The following CAMK1G variants were observed in gnomAD, a reference collection of about 807,000 sequenced individuals.
CAMK1G encodes the protein calcium/calmodulin dependent protein kinase IG, also known as calcium/calmodulin-dependent protein kinase type 1G.
In CAMK1G, 27 loss-of-function variants were observed where a neutral mutation model predicts 54.8. The observed-to-expected ratio is 0.49, with a 90% confidence interval of 0.36 to 0.68. CAMK1G has a LOEUF of 0.68. Ranked by LOEUF, CAMK1G falls within the 30% of genes least tolerant of loss-of-function variation. CAMK1G has a pLI of 0.00. For missense variants in CAMK1G, 512 were observed against 591.0 expected (o/e 0.87, Z 1.39); for synonymous variants, 238 against 224.9 (o/e 1.06, Z -0.52).
At chr1:209,594,919 T>G (rs1571775594) in intron 1 of CAMK1G, 36 bp from the exon 2 acceptor site, 3 of 1,369,222 alleles carry the variant, frequency 2.2e-6, no homozygotes, top group East Asian at 4.8e-5. Flanking sequence ...TGACCAGACC[T>G]TTTTTCTCCT....
At chr1:209,594,432 C>T (rs1046049919) in intron 1 of CAMK1G, among the ~76,000 whole-genome samples, 18 of 152,180 alleles carry the variant, frequency 1.2e-4, no homozygotes, top group African/African-American at 3.1e-4. Context: ...TTTAGATTTT[C>T]GTGAATAACT....
intron 1 of CAMK1G, among the ~76,000 whole-genome samples, chr1:209,587,110 A>C (rs1571769412): frequency 1.3e-5 from 2 of 151,890 alleles, no homozygotes; most frequent in African/African-American, 4.8e-5. Flanking sequence ...TGGTCCTTGG[A>C]GTTTCTCTCC....
At chr1:209,610,886 T>C (rs966732041) in intron 9 of CAMK1G, among the ~76,000 whole-genome samples, 2 of 152,076 alleles carry the variant, frequency 1.3e-5, no homozygotes, top group African/African-American at 4.8e-5. Context: ...GAGGAACACT[T>C]AGAGACCAGT....
In CAMK1G at chr1:209,609,617, A is replaced by G. The variant is rs140820391; in HGVS notation, c.749-234A>G. Among the ~76,000 whole-genome samples, 380 of 152,258 alleles carry G rather than the reference A, an allele frequency of 2.5e-3. 3 individuals are homozygous for G. The highest frequency in any genetic ancestry group is 8.0e-3 in the African/African-American group (333 of 41,540). On this transcript the variant is annotated intron_variant, in intron 8 of 12. Transcript: ENST00000361322. Reference sequence around the variant, plus strand: ...GCACATGGGGGCCTTGTGACTAGTGACGCTTCTGCAGTGCTGTGTGGGTGA... The same window carrying G: ...GCACATGGGGGCCTTGTGACTAGTGGCGCTTCTGCAGTGCTGTGTGGGTGA...
chr1:209,596,265 A>G (rs1321251404), intron 2 of CAMK1G, among the ~76,000 whole-genome samples: 1 of 152,210 alleles, frequency 6.6e-6, no homozygotes, highest in Non-Finnish European at 1.5e-5. Flanking sequence ...CTTTACCAAG[A>G]TGGGAGTGAC....
chr1:209,592,178 C>A (rs1397386414), intron 1 of CAMK1G, among the ~76,000 whole-genome samples: 1 of 151,688 alleles, frequency 6.6e-6, no homozygotes, highest in African/African-American at 2.4e-5. Context: ...AAGACCCTGT[C>A]TTTGGAAAAA....
rs572661255 is a variant in CAMK1G, at chr1:209,595,650, C to A, written c.92+575C>A. On this transcript the variant is annotated intron_variant, in intron 2 of 12. Coordinates refer to ENST00000361322, the MANE Select transcript of CAMK1G (RefSeq NM_020439.3). ...GCATCTTCATTTCTCCAGCAGTGAACAACCTCTTCTTCTGCTCTAACTGGA... is the reference window on the plus strand; with the variant it reads ...GCATCTTCATTTCTCCAGCAGTGAAAAACCTCTTCTTCTGCTCTAACTGGA... Among the ~76,000 whole-genome samples, 3 of 152,296 alleles carry A rather than the reference C, an allele frequency of 2.0e-5. No individual in the cohort carries two copies. In the South Asian group the frequency reaches 6.2e-4, roughly 32 times the overall value.
At chr1:209,610,979 C>G (rs1558142357) in intron 9 of CAMK1G, among the ~76,000 whole-genome samples, 1 of 152,168 alleles carries the variant, frequency 6.6e-6, no homozygotes, top group Non-Finnish European at 1.5e-5. Flanking sequence ...GAGGTGGGTT[C>G]TAGGCAAGGT....
intron 1 of CAMK1G, among the ~76,000 whole-genome samples, chr1:209,590,976 T>C (rs1289036740): frequency 1.3e-5 from 2 of 151,840 alleles, no homozygotes; most frequent in African/African-American, 4.8e-5. Flanking sequence ...TTGCAGCCTG[T>C]AAAGCGAGTG....
intron 3 of CAMK1G, among the ~76,000 whole-genome samples, chr1:209,602,062 C>A (rs1221520760): frequency 6.6e-6 from 1 of 152,144 alleles, no homozygotes; most frequent in Non-Finnish European, 1.5e-5. Flanking sequence ...GCAAGCCGAG[C>A]CCCTCTGCTA....
In CAMK1G at chr1:209,606,354, A is replaced by C; in HGVS notation, c.470A>C (p.Asn157Thr). The change falls in exon 6 of 13, where the codon AAC (asparagine) becomes ACC (threonine). Residue 157 changes from asparagine to threonine, a missense_variant. Asn to Thr is a moderately conservative substitution (Grantham distance 65, BLOSUM62 0). Coordinates refer to ENST00000361322, the MANE Select transcript of CAMK1G (RefSeq NM_020439.3). ...ENLLYLTPEE[N>T]SKIMITDFGL... is the part of the protein sequence containing the mutation. ...CTGCTTTACCTTACCCCTGAAGAGA[A>C]CTCTAAGATCATGATCACTGACTTT... 2 of 1,614,044 alleles carry C rather than the reference A, an allele frequency of 1.2e-6. No individual in the cohort carries two copies. The highest frequency in any genetic ancestry group is 2.2e-5 in the South Asian group (2 of 91,084).
chr1:209,594,987 G>C lies in CAMK1G; in HGVS notation c.4G>C (p.Gly2Arg), dbSNP rs755683128. The change falls in exon 2 of 13, where the codon GGT becomes CGT. Residue 2 changes from glycine to arginine, a missense_variant. Gly to Arg is a moderately radical substitution (Grantham distance 125). This residue lies in a region of CAMK1G where 186 missense variants were observed against 231.5 expected (regional missense o/e 0.80). Transcript: ENST00000361322. The part of the protein sequence containing the change: M[G>R]RKEEDDCSSW... Reference sequence around the variant, plus strand: ...AGAAGCTTCAACTCTGGAGGCAATGGGTCGAAAGGAAGAAGATGACTGCAG... The same window carrying C: ...AGAAGCTTCAACTCTGGAGGCAATGCGTCGAAAGGAAGAAGATGACTGCAG... 4.3e-6 allele frequency: 7 copies of C among 1,613,524 alleles called. No individual in the cohort carries two copies. Among genetic ancestry groups the C allele is most frequent in the Non-Finnish European group, 5.1e-6 (6 of 1,179,720 alleles).
intron 9 of CAMK1G, among the ~76,000 whole-genome samples, chr1:209,611,094 T>C (rs191337391): frequency 1.2e-4 from 19 of 152,332 alleles, no homozygotes; most frequent in Admixed American, 1.3e-4. Context: ...TTCCTGGCCA[T>C]ACTGTCTTTA....
intron 1 of CAMK1G, among the ~76,000 whole-genome samples, chr1:209,587,666 T>C (rs140567592): frequency 6.6e-6 from 1 of 152,160 alleles, no homozygotes; most frequent in Non-Finnish European, 1.5e-5. Context: ...AACTCAGGGA[T>C]GTATGGTGAT....
At chr1:209,606,189 A>C in intron 5 of CAMK1G, 131 bp from the exon 6 acceptor site, 11 of 1,170,348 alleles carry the variant, frequency 9.4e-6, no homozygotes, top group Non-Finnish European at 1.4e-5. Context: ...GAAGGGAAGA[A>C]TGGGGGAGGA....
intron 1 of CAMK1G, among the ~76,000 whole-genome samples, chr1:209,586,817 C>T (rs1379585937): frequency 6.6e-6 from 1 of 152,074 alleles, no homozygotes; most frequent in Non-Finnish European, 1.5e-5. Flanking sequence ...TACAATGGCC[C>T]CTGTGTGTTG....
intron 1 of CAMK1G, among the ~76,000 whole-genome samples, chr1:209,593,119 A>G (rs1665297710): frequency 6.6e-6 from 1 of 152,260 alleles, no homozygotes; most frequent in Non-Finnish European, 1.5e-5. Context: ...AAGGAAATAG[A>G]TTCAAAGAGG....
intron 1 of CAMK1G, among the ~76,000 whole-genome samples, chr1:209,592,503 C>T (rs1665282784): frequency 6.6e-6 from 1 of 152,128 alleles, no homozygotes; most frequent in Admixed American, 6.5e-5. Context: ...ACTATCTCAA[C>T]TCACCTCCTC....
At chr1:209,595,880 T>G (rs1665369205) in intron 2 of CAMK1G, among the ~76,000 whole-genome samples, 1 of 151,722 alleles carries the variant, frequency 6.6e-6, no homozygotes, top group Non-Finnish European at 1.5e-5. Context: ...TGGAACTGAC[T>G]CCCCACTTAG....
Sources: gnomAD v4.1 joint callset for allele counts (sites outside exome capture counted in the v4.1 genomes callset) on GRCh38, gnomAD v4.1.1 for gene constraint, gnomAD v4.1.1 regional missense constraint, MANE v1.5 for transcripts, NCBI Gene and HGNC (gene_info 2026-07-23, HGNC 2026-07-21) for gene names.